The following CDYL2 variants were observed in gnomAD, a reference collection of about 807,000 sequenced individuals.
The protein encoded by CDYL2 is chromodomain Y like 2.
Under a neutral mutation model 49.4 loss-of-function variants are expected in CDYL2, and 23 were observed. The observed-to-expected ratio is 0.47, with a 90% CI of 0.34 to 0.66. The LOEUF (loss-of-function observed/expected upper bound fraction) is 0.66. CDYL2 is among the 30% of genes least tolerant of loss of function. CDYL2 has a pLI of 0.01. For missense variants in CDYL2, 678 were observed against 656.4 expected (o/e 1.03, Z -0.36); for synonymous variants, 360 against 268.8 (o/e 1.34, Z -3.32).
chr16:80,643,093 C>T (rs4322685), intron 2 of CDYL2, among the ~76,000 whole-genome samples: 66,094 of 152,024 alleles, frequency 0.43, 15,349 homozygotes, highest in East Asian at 0.6. Flanking sequence ...AGTTACTTCC[C>T]AGACACAAGG....
chr16:80,677,606 G>A (rs1483312821), intron 2 of CDYL2, among the ~76,000 whole-genome samples: 2 of 152,062 alleles, frequency 1.3e-5, no homozygotes, highest in South Asian at 2.1e-4. Flanking sequence ...GGGCATGGTG[G>A]CAGGCGCCTG....
chr16:80,792,412 A>C (rs939574669), intron 1 of CDYL2, among the ~76,000 whole-genome samples: 5 of 152,178 alleles, frequency 3.3e-5, no homozygotes, highest in African/African-American at 4.8e-5. Context: ...AAAAGAAGTC[A>C]CAGCCTCTGA....
At chr16:80,758,701 C>A (rs899382470) in intron 1 of CDYL2, among the ~76,000 whole-genome samples, 1 of 151,936 alleles carries the variant, frequency 6.6e-6, no homozygotes, top group Non-Finnish European at 1.5e-5. Context: ...CGCCACCACA[C>A]CCAGCTAATT....
intron 2 of CDYL2, among the ~76,000 whole-genome samples, chr16:80,669,312 C>G (rs1195589399): frequency 6.6e-6 from 1 of 151,994 alleles, no homozygotes; most frequent in Non-Finnish European, 1.5e-5. Flanking sequence ...ATATATTGAC[C>G]CCCAAGGCCC....
chr16:80,618,454 A>C (rs534293138), intron 4 of CDYL2, among the ~76,000 whole-genome samples: 5 of 152,328 alleles, frequency 3.3e-5, no homozygotes, highest in Admixed American at 6.5e-5. Context: ...TGATACATCT[A>C]AGACACAAAT....
At chr16:80,688,021 T>A (rs1910267786) in intron 1 of CDYL2, among the ~76,000 whole-genome samples, 2 of 152,204 alleles carry the variant, frequency 1.3e-5, no homozygotes, top group Non-Finnish European at 2.9e-5. Context: ...AGTGCTTCCA[T>A]GCATGGAAGG....
chr16:80,712,969 G>C (rs571791637), intron 1 of CDYL2, among the ~76,000 whole-genome samples: 27 of 152,252 alleles, frequency 1.8e-4, no homozygotes, highest in African/African-American at 6.5e-4. Context: ...AGGAGGAGAG[G>C]CACACAGATG....
At chr16:80,664,095 C>T (rs1909161159) in intron 2 of CDYL2, among the ~76,000 whole-genome samples, 1 of 152,108 alleles carries the variant, frequency 6.6e-6, no homozygotes. Context: ...AAGTGATTTC[C>T]TTTAAAATTC....
chr16:80,664,632 T>C (rs1909184686), intron 2 of CDYL2, among the ~76,000 whole-genome samples: 1 of 152,204 alleles, frequency 6.6e-6, no homozygotes, highest in African/African-American at 2.4e-5. Context: ...TAAAAATTTT[T>C]TAAAGTTTTC....
chr16:80,700,123 T>C (rs925480604), intron 1 of CDYL2, among the ~76,000 whole-genome samples: 1 of 152,210 alleles, frequency 6.6e-6, no homozygotes, highest in Non-Finnish European at 1.5e-5. Flanking sequence ...CCTCCCAAAG[T>C]GCTGGGATTA....
At chr16:80,720,709 G>A (rs920534583) in intron 1 of CDYL2, among the ~76,000 whole-genome samples, 1 of 152,188 alleles carries the variant, frequency 6.6e-6, no homozygotes, top group Non-Finnish European at 1.5e-5. Flanking sequence ...ATAAATGAGT[G>A]TAGGCAGCAG....
chr16:80,598,690 C>A lies in CDYL2; in HGVS notation c.*5698G>T, dbSNP rs1055175645. On this transcript the variant is annotated 3_prime_UTR_variant, in exon 7 of 7. Coordinates refer to ENST00000570137, the MANE Select transcript of CDYL2 (RefSeq NM_152342.4). Reference sequence around the variant, plus strand: ...TGATATGGATACAGGCTTGGGACTACACAGTAGAAACACCAACCTGAGATA... The same window carrying A: ...TGATATGGATACAGGCTTGGGACTAAACAGTAGAAACACCAACCTGAGATA... 6.6e-6 allele frequency: 1 copy of A among 152,228 alleles called. No homozygotes were observed. Among genetic ancestry groups the A allele is most frequent in the East Asian group, 1.9e-4 (1 of 5,178 alleles). The allele number at this position is 152,228 out of a possible 1,614,324, so 9.4% of individuals were successfully genotyped here.
intron 4 of CDYL2, among the ~76,000 whole-genome samples, chr16:80,613,882 C>A (rs1906711284): frequency 1.3e-5 from 2 of 152,196 alleles, no homozygotes; most frequent in African/African-American, 4.8e-5. Flanking sequence ...CTTGGCCTGA[C>A]CTTGACCTGC....
At chr16:80,620,198 T>C (rs1907017120) in intron 4 of CDYL2, among the ~76,000 whole-genome samples, 1 of 152,106 alleles carries the variant, frequency 6.6e-6, no homozygotes, top group Non-Finnish European at 1.5e-5. Context: ...CCCAAAAGGG[T>C]ACTCATTGTT....
chr16:80,706,238 G>T (rs1183554100), intron 1 of CDYL2, among the ~76,000 whole-genome samples: 1 of 152,222 alleles, frequency 6.6e-6, no homozygotes, highest in Non-Finnish European at 1.5e-5. Context: ...CTTGGCTACA[G>T]GCCAGTAACC....
intron 1 of CDYL2, among the ~76,000 whole-genome samples, chr16:80,783,610 A>T (rs1490049490): frequency 6.6e-6 from 1 of 152,230 alleles, no homozygotes; most frequent in African/African-American, 2.4e-5. Flanking sequence ...ATGAATGCAT[A>T]AACAACATGT....
chr16:80,804,908 C>A (rs938788285), upstream of CDYL2, among the ~76,000 whole-genome samples: 5 of 152,038 alleles, frequency 3.3e-5, no homozygotes, highest in African/African-American at 4.8e-5. Context: ...CCTACCTCCT[C>A]CACCCTCGAG....
intron 1 of CDYL2, among the ~76,000 whole-genome samples, chr16:80,698,128 C>G (rs137892097): frequency 0.037 from 5,610 of 152,208 alleles, 154 homozygotes; most frequent in African/African-American, 0.068. Context: ...AGGCATCATA[C>G]TACCTGACTT....
chr16:80,787,163 A>G (rs1332392174), intron 1 of CDYL2, among the ~76,000 whole-genome samples: 1 of 152,132 alleles, frequency 6.6e-6, no homozygotes, highest in African/African-American at 2.4e-5. Flanking sequence ...GATGACAAAG[A>G]GGATATGCCG....
Sources: allele counts gnomAD v4.1 joint callset (sites outside exome capture counted in the v4.1 genomes callset), GRCh38; gene constraint gnomAD v4.1.1; transcripts MANE v1.5; gene names NCBI Gene and HGNC (gene_info 2026-07-23, HGNC 2026-07-21).